Variants in PCDH18 observed in about 807,000 individuals in gnomAD.
The protein encoded by PCDH18 is protocadherin-18.
PCDH18 carries 38 observed loss-of-function variants against 71.5 expected under a neutral mutation model. The observed-to-expected ratio is 0.53, with a 90% CI of 0.41 to 0.70. PCDH18 has a LOEUF of 0.70. Ranked by LOEUF, PCDH18 falls within the 30% of genes least tolerant of loss-of-function variation. The pLI, the probability that PCDH18 is intolerant of heterozygous loss-of-function variation, is 0.00. For synonymous variants in PCDH18, 565 were observed against 505.4 expected (o/e 1.12, Z -1.58); for missense variants, 1,334 against 1,384.6 (o/e 0.96, Z 0.58).
Position 137,519,222 on chromosome 4 carries a change from G to T in PCDH18, c.*1807C>A, listed in dbSNP as rs1214795696. 6.6e-6 allele frequency: 1 copy of T among 151,960 alleles called. No individual in the cohort carries two copies. The highest frequency in any genetic ancestry group is 2.4e-5 in the African/African-American group (1 of 41,346). The allele number at this position is 151,960 out of a possible 1,614,324, so 9.4% of individuals were successfully genotyped here. A position where few individuals can be genotyped will look rare whatever the true frequency, so the allele number is the denominator to read the frequency against. ...AGAGGTAATATATTCTATTTAATGTGGTACTCATTTGAGAATTCAAATATC... is the reference window on the plus strand; with the variant it reads ...AGAGGTAATATATTCTATTTAATGTTGTACTCATTTGAGAATTCAAATATC... On this transcript the variant is annotated 3_prime_UTR_variant, in exon 4 of 4. Transcript: ENST00000344876.
rs1252022033 is a variant in PCDH18, at chr4:137,519,906, A to G, written c.*1123T>C. The G allele has an allele frequency of 6.6e-6, 1 of 152,644 alleles. No homozygotes were observed. Among genetic ancestry groups the G allele is most frequent in the African/African-American group, 2.4e-5 (1 of 41,458 alleles). 9.5% of individuals were successfully genotyped at this position (152,644 alleles called of 1,614,324 possible). Reference sequence around the variant, plus strand: ...GGATTTCTCATTTGCCACACAACAAATAAAACAATTGCAGTAACAAAAATA... The same window carrying G: ...GGATTTCTCATTTGCCACACAACAAGTAAAACAATTGCAGTAACAAAAATA... On this transcript the variant is annotated 3_prime_UTR_variant, in exon 4 of 4. Coordinates refer to ENST00000344876, the MANE Select transcript of PCDH18 (RefSeq NM_019035.5).
rs773570184 is a variant in PCDH18, at chr4:137,530,810, T to C, written c.1279A>G (p.Lys427Glu). 6 of 1,612,036 alleles carry C rather than the reference T, an allele frequency of 3.7e-6. No homozygotes were observed. Among genetic ancestry groups the C allele is most frequent in the African/African-American group, 1.3e-5 (1 of 74,890 alleles). The change falls in exon 1 of 4, where the codon AAG becomes GAG. Residue 427 changes from lysine to glutamate, a missense_variant. Lys to Glu is a moderately conservative substitution (Grantham distance 56). This residue lies in a region of PCDH18 where 1,011 missense variants were observed against 1,048.0 expected (regional missense o/e 0.96). Transcript: ENST00000344876. ...ILTNATLDRE[K>E]RSEYSLTVIA... ...ACAGTCAAACTATACTCAGATCTCT[T>C]TTCTCTATCCAGTGTGGCATTAGTT...
intron 3 of PCDH18, among the ~76,000 whole-genome samples, chr4:137,527,243 G>A (rs943755176): frequency 6.6e-6 from 1 of 152,106 alleles, no homozygotes; most frequent in African/African-American, 2.4e-5. Context: ...TCAAAATTGG[G>A]TTGCTTATAT....
chr4:137,529,320 T>A (rs1164477729), intron 1 of PCDH18: 1 of 318,502 alleles, frequency 3.1e-6, no homozygotes, highest in Non-Finnish European at 5.7e-6. Context: ...ATTATTTTAA[T>A]CTGGGAAGCA....
At chr4:137,527,893 C>T (rs564928860) in intron 3 of PCDH18, among the ~76,000 whole-genome samples, 103 of 152,218 alleles carry the variant, frequency 6.8e-4, no homozygotes, top group Middle Eastern at 3.4e-3. Flanking sequence ...CTCTTGGGTC[C>T]CTGTGCCTCT....
Position 137,521,386 on chromosome 4 carries a change from C to A in PCDH18, c.3051G>T (p.Pro1017=), listed in dbSNP as rs905601543. 1 of 1,614,140 alleles carries A rather than the reference C, an allele frequency of 6.2e-7. No individual in the cohort carries two copies. Among genetic ancestry groups the A allele is most frequent in the Non-Finnish European group, 8.5e-7 (1 of 1,180,012 alleles). The stretch of plus-strand genomic sequence containing the variant: ...ATTCAGAATAGGTGTCCAGGGAAGG[C>A]GGTAAGAGACGCTGGAACACACTGC... ...EMSSVFQRLL[P]PSLDTYSECS... is the part of the protein sequence containing the mutation. Residue 1017 remains proline (P), a synonymous_variant, in exon 4 of 4, where the codon CCG becomes CCT. Transcript: ENST00000344876.
rs764511637 is a variant in PCDH18 at position 137,529,586 on chromosome 4, C to A, written c.2487+16G>T. ...CACCTAACATTGCAATGAATTGATG[C>A]GGTTTATGATCTTACCTCAACAGCA... is the stretch of plus-strand genomic sequence containing the variant. On this transcript the variant is annotated intron_variant, in intron 1 of 3. Transcript: ENST00000344876. 3 of 1,529,840 alleles carry A rather than the reference C, an allele frequency of 2.0e-6. No individual in the cohort carries two copies. The highest frequency in any genetic ancestry group is 2.7e-6 in the Non-Finnish European group (3 of 1,123,768). The allele number at this position is 1,529,840 out of a possible 1,614,324, so 94.8% of individuals were successfully genotyped here.
rs756038049 is a variant in PCDH18 at position 137,519,852 on chromosome 4, C to T, written c.*1177G>A. 6.6e-6 allele frequency: 1 copy of T among 152,572 alleles called. No individual in the cohort carries two copies. The highest frequency in any genetic ancestry group is 1.5e-5 in the Non-Finnish European group (1 of 68,034). The allele number at this position is 152,572 out of a possible 1,614,324, so 9.5% of individuals were successfully genotyped here. On this transcript the variant is annotated 3_prime_UTR_variant, in exon 4 of 4. Coordinates refer to ENST00000344876, the MANE Select transcript of PCDH18 (RefSeq NM_019035.5). ...GCATCTCTCTCACCAAGGCATTCCA[C>T]ACAGAGAGATCACAGCACAATAAAT... is the stretch of plus-strand genomic sequence containing the variant.
intron 3 of PCDH18, 117 bp from the exon 4 acceptor site, chr4:137,521,813 T>G: frequency 1.4e-6 from 1 of 729,880 alleles, no homozygotes; most frequent in Non-Finnish European, 2.2e-6. Context: ...ATTTCCATGA[T>G]GCCAACCTAT....
Position 137,519,466 on chromosome 4 carries a change from C to T in PCDH18, c.*1563G>A, listed in dbSNP as rs1005269890. On this transcript the variant is annotated 3_prime_UTR_variant, in exon 4 of 4. Transcript: ENST00000344876. ...CTTGCTTACTCTTTTTTCTTTATTC[C>T]CCAAATGCATTTAACTTATTTAGCT... 2 of 151,702 alleles carry T rather than the reference C, an allele frequency of 1.3e-5. No individual in the cohort carries two copies. Among genetic ancestry groups the T allele is most frequent in the Non-Finnish European group, 2.9e-5 (2 of 67,958 alleles). 9.4% of individuals were successfully genotyped at this position (151,702 alleles called of 1,614,324 possible).
At chr4:137,525,716 G>A (rs1731434118) in intron 3 of PCDH18, among the ~76,000 whole-genome samples, 1 of 152,136 alleles carries the variant, frequency 6.6e-6, no homozygotes, top group Non-Finnish European at 1.5e-5. Flanking sequence ...CCACACCTCA[G>A]ATGGAGGCAG....
At position 137,528,590 on chromosome 4, in the gene PCDH18, A is replaced by T; in HGVS notation, c.2628T>A (p.Gly876=). The T allele has an allele frequency of 6.2e-7, 1 of 1,613,896 alleles. No homozygotes were observed. The highest frequency in any genetic ancestry group is 8.5e-7 in the Non-Finnish European group (1 of 1,179,872). The change falls in exon 3 of 4, where the codon GGT becomes GGA. Residue 876 remains glycine, a synonymous_variant. Transcript: ENST00000344876. ...DKFSLKDSGR[G]DSEAGDSDYD... ...AATCACTGTCTCCTGCCTCACTGTC[A>T]CCACGGCCACTGTCTTTCAAGCTAA... is the stretch of plus-strand genomic sequence containing the variant.
intron 3 of PCDH18, among the ~76,000 whole-genome samples, chr4:137,526,218 T>A (rs1181373013): frequency 6.6e-6 from 1 of 152,006 alleles, no homozygotes. Flanking sequence ...GACTTTAGGA[T>A]CATTTAATCC....
In PCDH18 at chr4:137,521,309, G is replaced by A; in HGVS notation, c.3128C>T (p.Pro1043Leu). 1.2e-6 allele frequency: 2 copies of A among 1,614,178 alleles called. No homozygotes were observed. Among genetic ancestry groups the A allele is most frequent in the Non-Finnish European group, 8.5e-7 (1 of 1,180,038 alleles). ...CTGTGGGTAACCCACAGTTTTGGCT[G>A]GCAAGGGTCCCTTCCTGCGCTCCAG... ...NSLERRKGPL[P>L]AKTVGYPQGV... The change falls in exon 4 of 4, where the codon CCA becomes CTA. Residue 1043 changes from proline to leucine, a missense_variant. By Grantham distance (98) the Pro-to-Leu change is moderately conservative. Transcript: ENST00000344876.
Position 137,521,188 on chromosome 4 carries a change from TGAA to T in PCDH18, c.3246_3248del (p.Ser1083del), listed in dbSNP as rs1185790069. 1 of 1,614,210 alleles carries T rather than the reference TGAA, an allele frequency of 6.2e-7. No individual in the cohort carries two copies. Among genetic ancestry groups the T allele is most frequent in the Non-Finnish European group, 8.5e-7 (1 of 1,180,034 alleles). Reference sequence around the variant, plus strand: ...TCTCCTCCATGGCTGGCAGCCATTTTGAAGAAGGCTGCACACTGGAGTGAGTTC... The same window carrying T: ...TCTCCTCCATGGCTGGCAGCCATTTTGAAGGCTGCACACTGGAGTGAGTTC... On this transcript the variant is annotated inframe_deletion, in exon 4 of 4. Transcript: ENST00000344876.
rs1295876006 is a variant in PCDH18 at position 137,521,003 on chromosome 4, A to C, written c.*26T>G. On this transcript the variant is annotated 3_prime_UTR_variant, in exon 4 of 4. Transcript: ENST00000344876. ...TTGTTCCCTATTTCCATATACATGG[A>C]AACAAAAATGCTTCGCTAAAATCTC... is the stretch of plus-strand genomic sequence containing the variant. The C allele has an allele frequency of 1.3e-6, 2 of 1,523,734 alleles. No individual in the cohort carries two copies. The highest frequency in any genetic ancestry group is 1.8e-6 in the Non-Finnish European group (2 of 1,130,014). 94.4% of individuals were successfully genotyped at this position (1,523,734 alleles called of 1,614,324 possible).
In PCDH18 at chr4:137,520,006, A is replaced by G. The variant is rs1008971347; in HGVS notation, c.*1023T>C. On this transcript the variant is annotated 3_prime_UTR_variant, in exon 4 of 4. Transcript: ENST00000344876. ...CATGCACTGGAGACAAAAGCTAAAA[A>G]TGAATAGTTATAACAAAGAAAGACA... 8 of 152,618 alleles carry G rather than the reference A, an allele frequency of 5.2e-5. No homozygotes were observed. Among genetic ancestry groups the G allele is most frequent in the African/African-American group, 1.7e-4 (7 of 41,460 alleles). The allele number at this position is 152,618 out of a possible 1,614,324, so 9.5% of individuals were successfully genotyped here.
intron 3 of PCDH18, among the ~76,000 whole-genome samples, chr4:137,524,115 A>G (rs1731379906): frequency 6.6e-6 from 1 of 152,116 alleles, no homozygotes; most frequent in South Asian, 2.1e-4. Context: ...CTTGTTGACA[A>G]GTGGTGCAAG....
Position 137,528,745 on chromosome 4 carries a change from A to C in PCDH18, c.2563T>G (p.Ser855Ala). ...AATAATTCATACCTGTAGCTCCTGG[A>C]ATATTTGTTTCCTCGAAAACTTGGT... is the stretch of plus-strand genomic sequence containing the variant. ...PRPSFRGNKYSRSYRYALQDM... is the reference protein window; with the variant it reads ...PRPSFRGNKYARSYRYALQDM... The change falls in exon 2 of 4, where the codon TCC becomes GCC. Residue 855 changes from serine (S) to alanine (A), a missense_variant. Coordinates refer to ENST00000344876, the MANE Select transcript of PCDH18 (RefSeq NM_019035.5). 6.2e-7 allele frequency: 1 copy of C among 1,612,960 alleles called. No homozygotes were observed. Among genetic ancestry groups the C allele is most frequent in the South Asian group, 1.1e-5 (1 of 91,054 alleles).
Sources: gnomAD v4.1 joint callset for allele counts (sites outside exome capture counted in the v4.1 genomes callset) on GRCh38, gnomAD v4.1.1 for gene constraint, gnomAD v4.1.1 regional missense constraint, MANE v1.5 for transcripts, NCBI Gene and HGNC (gene_info 2026-07-23, HGNC 2026-07-21) for gene names.